TUBGCP2: variants seen among roughly 807,000 people sequenced by gnomAD.
TUBGCP2 encodes the protein tubulin gamma complex component 2, also known as gamma-tubulin complex component 2.
TUBGCP2 carries 55 observed loss-of-function variants against 92.2 expected under a neutral mutation model. That is an observed-to-expected ratio of 0.60 (90% CI 0.48 to 0.75). The LOEUF is 0.75. Among genes scored for constraint, TUBGCP2 ranks in the 30% least tolerant of loss-of-function variants. The probability of loss-of-function intolerance (pLI) is 0.00; values close to 1 mark genes in which losing one functional copy is unlikely to be tolerated. For missense variants in TUBGCP2, 1,093 were observed against 1,188.9 expected (o/e 0.92, Z 1.19); for synonymous variants, 533 against 505.2 (o/e 1.06, Z -0.74).
chr10:133,286,106 C>T (rs982296755), intron 11 of TUBGCP2, among the ~76,000 whole-genome samples: 9 of 152,048 alleles, frequency 5.9e-5, no homozygotes, highest in Non-Finnish European at 1.2e-4. Flanking sequence ...CATCGCACAA[C>T]GACAGGACAG....
chr10:133,291,903 GTGTCCCCCATGT>G lies in TUBGCP2; in HGVS notation c.1214+584_1214+595del, dbSNP rs771961183. Among the ~76,000 whole-genome samples, 41 of 20,958 alleles carry G rather than the reference GTGTCCCCCATGT, an allele frequency of 2.0e-3. 11 individuals are homozygous for G. The highest frequency in any genetic ancestry group is 7.4e-3 in the South Asian group (2 of 270). 13.7% of individuals were successfully genotyped at this position (20,958 alleles called of 152,430 possible). ...CGGGAGAGGGCAGCATGCACCGTCCGTGTCCCCCATGTCCCTCCGTGTCCCCCATGTCCCTCC... is the reference window on the plus strand; with the variant it reads ...CGGGAGAGGGCAGCATGCACCGTCCGCCCTCCGTGTCCCCCATGTCCCTCC... On this transcript the variant is annotated intron_variant, in intron 8 of 17. Transcript: ENST00000252936.
intron 1 of TUBGCP2, among the ~76,000 whole-genome samples, chr10:133,306,945 G>A (rs768012130): frequency 1.6e-4 from 25 of 152,284 alleles, no homozygotes; most frequent in South Asian, 1.2e-3. Context: ...AGGGCAGCCC[G>A]TACTCGCACA....
Position 133,303,026 on chromosome 10 carries a change from TAAAA to T in TUBGCP2, c.-39-50_-39-47del, listed in dbSNP as rs1847712843. The stretch of plus-strand genomic sequence containing the variant: ...ATTCATAAAATTCAAACTGTAGAAA[TAAAA>T]AACATTTTTTTAAACACTCAAGACT... On this transcript the variant is annotated intron_variant, in intron 1 of 17. Transcript: ENST00000252936. 1.9e-6 allele frequency: 3 copies of T among 1,564,164 alleles called. No individual in the cohort carries two copies. In the African/African-American group the frequency reaches 4.1e-5, roughly 21 times the overall value.
chr10:133,309,295 C>T (rs1200656507), upstream of TUBGCP2: 18 of 1,460,180 alleles, frequency 1.2e-5, no homozygotes, highest in African/African-American at 2.8e-5. Flanking sequence ...GGGACCGGAG[C>T]GCGGGATGAC....
upstream of TUBGCP2, chr10:133,309,451 C>T (rs367646550): frequency 2.5e-6 from 4 of 1,612,288 alleles, no homozygotes; most frequent in Non-Finnish European, 3.4e-6. Context: ...GCCGACGTGC[C>T]TGAGAAGCCC....
At chr10:133,309,231 A>T, upstream of TUBGCP2, 2 of 720,054 alleles carry the variant, frequency 2.8e-6, no homozygotes, top group Non-Finnish European at 3.6e-6. Flanking sequence ...GCGGGACCTG[A>T]GGTGGTGGGG....
chr10:133,288,011 C>A (rs1322551586), intron 11 of TUBGCP2, 118 bp downstream of exon 11: 5 of 1,339,506 alleles, frequency 3.7e-6, no homozygotes, highest in Non-Finnish European at 4.9e-6. Context: ...AGGAAACAGA[C>A]CCTGCGGTCG....
chr10:133,304,465 C>T (rs1847758446), intron 1 of TUBGCP2, among the ~76,000 whole-genome samples: 1 of 152,156 alleles, frequency 6.6e-6, no homozygotes, highest in African/African-American at 2.4e-5. Context: ...GGCAAAATAA[C>T]TTTTTATTTT....
chr10:133,308,969 C>T, upstream of TUBGCP2: 1 of 1,242,186 alleles, frequency 8.1e-7, no homozygotes, highest in South Asian at 3.9e-5. Flanking sequence ...GCGCTGTGCG[C>T]CCGCCTCGCT....
At chr10:133,306,001 G>C (rs1847809374) in intron 1 of TUBGCP2, among the ~76,000 whole-genome samples, 1 of 152,254 alleles carries the variant, frequency 6.6e-6, no homozygotes, top group Non-Finnish European at 1.5e-5. Context: ...CTGTGGTAGA[G>C]AGAAGTGAAA....
At chr10:133,310,459 A>T, upstream of TUBGCP2, 1 of 838,644 alleles carries the variant, frequency 1.2e-6, no homozygotes, top group Non-Finnish European at 1.8e-6. Flanking sequence ...TGGTTGTGCC[A>T]GCGGCCACCC....
rs759450270 is a variant in TUBGCP2 at position 133,282,214 on chromosome 10, G to A, written c.2409+9C>T. 2 of 1,611,708 alleles carry A rather than the reference G, an allele frequency of 1.2e-6. No homozygotes were observed. Among genetic ancestry groups the A allele is most frequent in the Admixed American group, 1.7e-5 (1 of 59,990 alleles). Reference sequence around the variant, plus strand: ...CGTCTCTCTCTGGCCAAACCTGGAGGCCACGCACCTTCCTGGCGAGCTCCT... The same window carrying A: ...CGTCTCTCTCTGGCCAAACCTGGAGACCACGCACCTTCCTGGCGAGCTCCT... On this transcript the variant is annotated intron_variant, in intron 16 of 17. Coordinates refer to ENST00000252936, the MANE Select transcript of TUBGCP2 (RefSeq NM_006659.4).
rs1456006053 is a variant in TUBGCP2, at chr10:133,293,614, C to A, written c.772G>T (p.Glu258Ter). The A allele has an allele frequency of 6.4e-7, 1 of 1,565,328 alleles. No homozygotes were observed. The highest frequency in any genetic ancestry group is 1.2e-5 in the South Asian group (1 of 85,112). ...ACTGGGAGGATCCTGTGCACCAGCT[C>A]CCTGATGGACAGGTCCAGGTTGGGG... ...VDPNLDLSIRELVHRILPVAA... is the reference protein window; with the variant it reads ...VDPNLDLSIR Residue 258 changes from glutamate (E) to a stop codon, truncating the protein, a stop_gained, in exon 6 of 18, where the codon GAG (glutamate) becomes TAG (stop). Transcript: ENST00000252936. LOFTEE classifies it high-confidence loss of function.
At chr10:133,311,952 G>A (rs763757519), upstream of TUBGCP2, 12 of 1,612,478 alleles carry the variant, frequency 7.4e-6, no homozygotes, top group South Asian at 3.3e-5. Context: ...GAAAGGTAAC[G>A]CTGGGTAAGA....
chr10:133,284,296 C>T (rs568004489), intron 13 of TUBGCP2, among the ~76,000 whole-genome samples: 44 of 152,332 alleles, frequency 2.9e-4, no homozygotes, highest in African/African-American at 9.4e-4. Context: ...TCGGAGCCCA[C>T]GCCAGGAAAG....
intron 2 of TUBGCP2, chr10:133,302,533 C>G: frequency 2.2e-6 from 1 of 444,700 alleles, no homozygotes; most frequent in South Asian, 2.6e-5. Context: ...GACCCAGGGA[C>G]GACGCTCATC....
At chr10:133,292,746 A>G (rs1299494875) in intron 7 of TUBGCP2, 58 bp from the exon 8 acceptor site, 1 of 1,552,502 alleles carries the variant, frequency 6.4e-7, no homozygotes, top group East Asian at 2.4e-5. Context: ...AGCCTCTGCC[A>G]ACAACACTGC....
chr10:133,286,545 C>A (rs968449148), intron 11 of TUBGCP2, among the ~76,000 whole-genome samples: 4 of 152,212 alleles, frequency 2.6e-5, no homozygotes, highest in Non-Finnish European at 4.4e-5. Context: ...CTGCAGAACA[C>A]CACCCCAACA....
intron 4 of TUBGCP2, 125 bp from the exon 5 acceptor site, chr10:133,298,236 G>C: frequency 9.6e-7 from 1 of 1,044,544 alleles, no homozygotes; most frequent in South Asian, 1.6e-5. Context: ...ACCCACAAAG[G>C]GTCAACCACA....
Sources: gnomAD v4.1 joint callset for allele counts (sites outside exome capture counted in the v4.1 genomes callset) on GRCh38, gnomAD v4.1.1 for gene constraint, MANE v1.5 for transcripts, NCBI Gene and HGNC (gene_info 2026-07-23, HGNC 2026-07-21) for gene names.